USH2A: variants seen among roughly 807,000 people sequenced by gnomAD.
USH2A encodes usherin, also known as Usher syndrome 2A (autosomal recessive, mild).
A neutral mutation model predicts 538.9 loss-of-function variants in USH2A; 443 were observed. That is an observed-to-expected ratio of 0.82 (90% CI 0.76 to 0.89). USH2A has a LOEUF of 0.89. Ranked by LOEUF, USH2A falls within the 40% of genes least tolerant of loss-of-function variation. The probability of loss-of-function intolerance (pLI) is 0.00; values close to 1 mark genes in which losing one functional copy is unlikely to be tolerated. For synonymous variants in USH2A, 2,413 were observed against 2,273.5 expected (o/e 1.06, Z -1.75); for missense variants, 6,633 against 6,324.8 (o/e 1.05, Z -1.65).
intron 29 of USH2A, among the ~76,000 whole-genome samples, chr1:216,071,777 C>A (rs2031566887): frequency 6.6e-6 from 1 of 152,162 alleles, no homozygotes; most frequent in South Asian, 2.1e-4. Flanking sequence ...GAAATAGGAG[C>A]AGAGAACATG....
At chr1:215,986,771 C>T (rs1667883037) in intron 35 of USH2A, among the ~76,000 whole-genome samples, 1 of 152,196 alleles carries the variant, frequency 6.6e-6, no homozygotes, top group Non-Finnish European at 1.5e-5. Context: ...GAATATGCTT[C>T]TCACATCAAC....
rs144545541 is a variant in USH2A, at chr1:215,886,909, G to C, written c.8223+1517C>G. 3.3e-3 allele frequency among the ~76,000 whole-genome samples: 495 copies of C among 152,132 alleles called. 4 individuals are homozygous for C. The highest frequency in any genetic ancestry group is 0.011 in the African/African-American group (476 of 41,530). ...GTCTCGCTCTGTCGCCCAGGCTGGA[G>C]TGCAGTGGCATAATCTCGGCTCACT... On this transcript the variant is annotated intron_variant, in intron 41 of 71. Transcript: ENST00000307340.
chr1:215,966,973 C>T (rs1038235055), intron 36 of USH2A, among the ~76,000 whole-genome samples: 1 of 152,080 alleles, frequency 6.6e-6, no homozygotes, highest in Admixed American at 6.6e-5. Context: ...GGCAATTGTA[C>T]TATTTTGCTC....
intron 11 of USH2A, among the ~76,000 whole-genome samples, chr1:216,279,865 C>T (rs1263865504): frequency 6.6e-6 from 1 of 152,026 alleles, no homozygotes; most frequent in African/African-American, 2.4e-5. Context: ...GGGACTTTCA[C>T]CGGTCTCCCT....
At chr1:216,165,945 T>A (rs2034158885) in intron 21 of USH2A, among the ~76,000 whole-genome samples, 1 of 152,098 alleles carries the variant, frequency 6.6e-6, no homozygotes, top group Non-Finnish European at 1.5e-5. Context: ...GTGTAGTTTT[T>A]TTTATCCCTC....
intron 64 of USH2A, among the ~76,000 whole-genome samples, chr1:215,658,589 C>T (rs1169003953): frequency 3.3e-5 from 5 of 152,184 alleles, no homozygotes; most frequent in Non-Finnish European, 7.3e-5. Flanking sequence ...CCTGTACACA[C>T]CTTCCACATG....
rs2036151871 is a variant in USH2A at position 216,251,072 on chromosome 1, T to A, written c.1998A>T (p.Arg666Ser). The A allele has an allele frequency of 6.2e-7, 1 of 1,613,936 alleles. No individual in the cohort carries two copies. Among genetic ancestry groups the A allele is most frequent in the African/African-American group, 1.3e-5 (1 of 74,926 alleles). Residue 666 changes from arginine to serine, a missense_variant, in exon 12 of 72, where the codon AGA (arginine) becomes AGT (serine). Coordinates refer to ENST00000307340, the MANE Select transcript of USH2A (RefSeq NM_206933.4). ...DQIGGQCNCK[R>S]HVSGRQCNQC... ...GATTGCACTGCCTGCCAGACACGTG[T>A]CTCTTACAATTACACTGTCCTCCAA...
chr1:216,179,268 G>A (rs920517114), intron 20 of USH2A, among the ~76,000 whole-genome samples: 23 of 152,030 alleles, frequency 1.5e-4, no homozygotes, highest in Admixed American at 2.6e-4. Context: ...CAACTCTGTC[G>A]TTTTTGTGTA....
At chr1:216,109,910 C>T (rs962870379) in intron 21 of USH2A, among the ~76,000 whole-genome samples, 1 of 151,970 alleles carries the variant, frequency 6.6e-6, no homozygotes, top group Non-Finnish European at 1.5e-5. Flanking sequence ...CATATTTGTT[C>T]AATTGTCTAA....
chr1:216,335,073 T>C (rs2037943254), intron 4 of USH2A, among the ~76,000 whole-genome samples: 1 of 151,728 alleles, frequency 6.6e-6, no homozygotes, highest in South Asian at 2.1e-4. Flanking sequence ...TCTCTATAAA[T>C]TTAAAATAAC....
chr1:216,235,299 C>T (rs1476305120), intron 13 of USH2A, among the ~76,000 whole-genome samples: 1 of 152,114 alleles, frequency 6.6e-6, no homozygotes, highest in East Asian at 1.9e-4. Context: ...ATATCTGTAG[C>T]ATTGTAACTG....
rs193056897 is a variant in USH2A at position 216,115,038 on chromosome 1, G to C, written c.4628-17825C>G. ...GAGAGCTCTATCTATGTAGATATAGGCATCTATGTATCTTTCCATCCCTCT... is the reference window on the plus strand; with the variant it reads ...GAGAGCTCTATCTATGTAGATATAGCCATCTATGTATCTTTCCATCCCTCT... On this transcript the variant is annotated intron_variant, in intron 21 of 71. Transcript: ENST00000307340. Among the ~76,000 whole-genome samples the C allele has an allele frequency of 1.8e-3, 270 of 152,042 alleles. 2 individuals carry two copies. Among genetic ancestry groups the C allele is most frequent in the South Asian group, 5.0e-3 (24 of 4,808 alleles).
chr1:215,952,593 A>T (rs1248865605), intron 37 of USH2A, among the ~76,000 whole-genome samples: 1 of 152,150 alleles, frequency 6.6e-6, no homozygotes. Flanking sequence ...AAAATCTCTC[A>T]GCATTTGCTT....
chr1:216,108,039 T>C (rs35963782), intron 21 of USH2A, among the ~76,000 whole-genome samples: 51,531 of 151,574 alleles, frequency 0.34, 9,984 homozygotes, highest in East Asian at 0.82. Context: ...TCAAAAGAGT[T>C]TTTAATAATA....
intron 32 of USH2A, among the ~76,000 whole-genome samples, chr1:216,035,486 C>T (rs755409327): frequency 1.6e-4 from 24 of 152,104 alleles, no homozygotes; most frequent in Non-Finnish European, 3.5e-4. Flanking sequence ...TTGCCAATAT[C>T]TTGATCTGGG....
chr1:215,998,838 G>T (rs1668196592), intron 34 of USH2A, 49 bp downstream of exon 34: 1 of 1,588,122 alleles, frequency 6.3e-7, no homozygotes, highest in African/African-American at 1.3e-5. Context: ...GGGAAGGGGA[G>T]AAGAAGTGGA....
chr1:216,044,408 G>T (rs1456948233), intron 32 of USH2A, among the ~76,000 whole-genome samples: 1 of 152,100 alleles, frequency 6.6e-6, no homozygotes. Flanking sequence ...AAGGTTCAAA[G>T]ATGTAATATA....
rs1320962002 is a variant in USH2A at position 215,624,521 on chromosome 1, G to A, written c.*1260C>T. 1 of 152,136 alleles carries A rather than the reference G, an allele frequency of 6.6e-6. No homozygotes were observed. The highest frequency in any genetic ancestry group is 1.5e-5 in the Non-Finnish European group (1 of 68,016). 9.4% of individuals were successfully genotyped at this position (152,136 alleles called of 1,614,324 possible). On this transcript the variant is annotated 3_prime_UTR_variant, in exon 72 of 72. Transcript: ENST00000307340. Reference sequence around the variant, plus strand: ...ACAAAGACCTTTAAGGATGAAGGAAGACAAGAGGTTTTCTTACTCTGTTTT... The same window carrying A: ...ACAAAGACCTTTAAGGATGAAGGAAAACAAGAGGTTTTCTTACTCTGTTTT...
chr1:215,863,568 T>A (rs988667914), intron 44 of USH2A, among the ~76,000 whole-genome samples: 1 of 152,194 alleles, frequency 6.6e-6, no homozygotes, highest in Non-Finnish European at 1.5e-5. Flanking sequence ...TCATACTTTA[T>A]GCATTTTCCA....
Sources: allele counts gnomAD v4.1 joint callset (sites outside exome capture counted in the v4.1 genomes callset), GRCh38; gene constraint gnomAD v4.1.1; transcripts MANE v1.5; gene names NCBI Gene and HGNC (gene_info 2026-07-23, HGNC 2026-07-21).